Variants in NDP observed in about 807,000 individuals in gnomAD.
NDP encodes the protein norrin.
A neutral mutation model predicts 8.4 loss-of-function variants in NDP; 2 were observed. The ratio of observed to expected loss-of-function variants is 0.24; its 90% CI spans 0.10 to 0.75. NDP has a LOEUF of 0.75. Ranked by LOEUF, NDP falls within the 30% of genes least tolerant of loss-of-function variation. The pLI is 0.73. For synonymous variants in NDP, 55 were observed against 45.6 expected, an observed-to-expected ratio of 1.21 and a Z score of -0.83; for missense variants, 81 against 110.1, an observed-to-expected ratio of 0.74 and a Z score of 1.18.
intron 2 of NDP, among the ~76,000 whole-genome samples, chrX:43,956,257 G>C (rs920430774): frequency 5.4e-5 from 6 of 111,975 alleles, no homozygotes; most frequent in African/African-American, 1.9e-4. Context: ...TACAAGGCCA[G>C]ATAATGGATA....
At chrX:43,956,323 T>G (rs750055603) in intron 2 of NDP, among the ~76,000 whole-genome samples, 10 of 112,025 alleles carry the variant, frequency 8.9e-5, no homozygotes, top group African/African-American at 3.2e-4. Context: ...ACATGTTTAA[T>G]AAATAATGAC....
At chrX:43,967,547 G>A (rs1414436988) in intron 1 of NDP, among the ~76,000 whole-genome samples, 1 of 111,596 alleles carries the variant, frequency 9.0e-6, no homozygotes, top group Non-Finnish European at 1.9e-5. Flanking sequence ...CTGGGAGGGA[G>A]AGTGGGTGAA....
At chrX:43,957,498 G>T (rs930016481) in intron 2 of NDP, among the ~76,000 whole-genome samples, 17 of 110,581 alleles carry the variant, frequency 1.5e-4, no homozygotes, top group Admixed American at 1.1e-3. Context: ...TCATCACTGA[G>T]CTATAATCAG....
chrX:43,955,178 C>T (rs997292068), intron 2 of NDP, among the ~76,000 whole-genome samples: 8 of 112,365 alleles, frequency 7.1e-5, no homozygotes, highest in Non-Finnish European at 1.5e-4. Flanking sequence ...TCTTTTAAGG[C>T]TATAGGAGAT....
chrX:43,954,597 C>A (rs775957273), intron 2 of NDP: 61 of 111,248 alleles, frequency 5.5e-4, no homozygotes, highest in African/African-American at 1.7e-3. Flanking sequence ...CAAATTATAT[C>A]TCTCAAGAAG....
At chrX:43,967,703 C>T (rs2035866238) in intron 1 of NDP, among the ~76,000 whole-genome samples, 1 of 111,601 alleles carries the variant, frequency 9.0e-6, no homozygotes, top group Non-Finnish European at 1.9e-5. Flanking sequence ...TTATTCCCTA[C>T]TGATGAAAGG....
At chrX:43,961,363 A>G (rs2035825271) in intron 1 of NDP, among the ~76,000 whole-genome samples, 1 of 112,870 alleles carries the variant, frequency 8.9e-6, no homozygotes, top group Non-Finnish European at 1.9e-5. Flanking sequence ...GAAATAGCAT[A>G]AAATTGGAAA....
chrX:43,969,239 T>A (rs1045239289), intron 1 of NDP, among the ~76,000 whole-genome samples: 4 of 112,075 alleles, frequency 3.6e-5, no homozygotes, highest in African/African-American at 1.3e-4. Flanking sequence ...AATATATTTC[T>A]CCCCTCTTTC....
At chrX:43,954,294 C>T (rs1333771799) in intron 2 of NDP, among the ~76,000 whole-genome samples, 2 of 110,861 alleles carry the variant, frequency 1.8e-5, no homozygotes, top group African/African-American at 3.3e-5. Flanking sequence ...AAGAAAATTG[C>T]AACCAGGGAA....
chrX:43,959,712 C>CAT (rs1278049991), intron 1 of NDP, among the ~76,000 whole-genome samples: 1 of 111,810 alleles, frequency 8.9e-6, no homozygotes, highest in Non-Finnish European at 1.9e-5. Context: ...ACTCCCCAGG[C>CAT]ATAGCCAACA....
intron 1 of NDP, among the ~76,000 whole-genome samples, chrX:43,960,215 T>C (rs2035818844): frequency 8.9e-6 from 1 of 111,811 alleles, no homozygotes; most frequent in Non-Finnish European, 1.9e-5. Flanking sequence ...GGAACCCACC[T>C]GGACTTGAGT....
chrX:43,953,140 A>C (rs1471059091), intron 2 of NDP, among the ~76,000 whole-genome samples: 1 of 110,550 alleles, frequency 9.0e-6, no homozygotes. Context: ...ACACACACAC[A>C]CACACACACA....
At chrX:43,951,820 A>G (rs1332552455) in intron 2 of NDP, among the ~76,000 whole-genome samples, 1 of 112,072 alleles carries the variant, frequency 8.9e-6, no homozygotes, top group Admixed American at 9.4e-5. Flanking sequence ...AGGGAAGAAT[A>G]AGTTGGACTA....
At chrX:43,960,266 G>C (rs2035819172) in intron 1 of NDP, among the ~76,000 whole-genome samples, 1 of 111,880 alleles carries the variant, frequency 8.9e-6, no homozygotes, top group African/African-American at 3.2e-5. Flanking sequence ...CCTTACACAA[G>C]TCATTCAACC....
rs765624912 is a variant in NDP at position 43,955,503 on chromosome X, G to A, written c.174+2969C>T. 2.0e-3 allele frequency among the ~76,000 whole-genome samples: 228 copies of A among 112,583 alleles called. 1 individual carries two copies. The highest frequency in any genetic ancestry group is 7.0e-3 in the African/African-American group (217 of 31,009). ...TCACTTCAAAGCCTGGCATGCCTCA[G>A]TTCTCATAGAGATTCCACCAGGCAG... On this transcript the variant is annotated intron_variant, in intron 2 of 2. Transcript: ENST00000642620.
intron 1 of NDP, among the ~76,000 whole-genome samples, chrX:43,963,997 G>T (rs1237873523): frequency 8.9e-6 from 1 of 112,147 alleles, no homozygotes; most frequent in Non-Finnish European, 1.9e-5. Flanking sequence ...GCAGGCAAAA[G>T]GTCAGTGGGG....
chrX:43,951,885 C>T (rs1009777499), intron 2 of NDP, among the ~76,000 whole-genome samples: 2 of 112,237 alleles, frequency 1.8e-5, no homozygotes, highest in East Asian at 2.8e-4. Context: ...AAAATAGCAG[C>T]TGTAAGCTGT....
At chrX:43,953,655 G>A (rs2035775423) in intron 2 of NDP, among the ~76,000 whole-genome samples, 1 of 112,138 alleles carries the variant, frequency 8.9e-6, no homozygotes, top group African/African-American at 3.2e-5. Flanking sequence ...GTACTGTTAT[G>A]ATCTACACTA....
intron 1 of NDP, among the ~76,000 whole-genome samples, chrX:43,965,962 A>G (rs774288319): frequency 9.0e-6 from 1 of 111,603 alleles, no homozygotes; most frequent in Non-Finnish European, 1.9e-5. Flanking sequence ...GTGGGCTTCT[A>G]TGGCCCACAG....
Sources: allele counts gnomAD v4.1 joint callset (sites outside exome capture counted in the v4.1 genomes callset), GRCh38; gene constraint gnomAD v4.1.1; transcripts MANE v1.5; gene names NCBI Gene and HGNC (gene_info 2026-07-23, HGNC 2026-07-21).